LRP10: variants seen among roughly 807,000 people sequenced by gnomAD.
LRP10 encodes the protein low-density lipoprotein receptor-related protein 10.
LRP10 carries 42 observed loss-of-function variants against 58.5 expected under a neutral mutation model. The observed-to-expected ratio is 0.72, with a 90% CI of 0.56 to 0.93. The LOEUF (loss-of-function observed/expected upper bound fraction) is 0.93, where lower values mean the gene tolerates loss of function less well. Ranked by LOEUF, LRP10 falls within the 40% of genes least tolerant of loss-of-function variation. The pLI is 0.00. For missense variants in LRP10, 872 were observed against 940.1 expected, an observed-to-expected ratio of 0.93 and a Z score of 0.95; for synonymous variants, 377 against 388.5, an observed-to-expected ratio of 0.97 and a Z score of 0.35.
In LRP10 at chr14:22,872,049, G is replaced by A; in HGVS notation, c.-255G>A. ...CCGAGACCCGGGGCTTCAGGAGCCGGCCCCGGGAGAGAAGAGTGCGGCGGC... is the reference window on the plus strand; with the variant it reads ...CCGAGACCCGGGGCTTCAGGAGCCGACCCCGGGAGAGAAGAGTGCGGCGGC... On this transcript the variant is annotated 5_prime_UTR_variant, in exon 1 of 7. Transcript: ENST00000359591. The A allele has an allele frequency of 1.7e-6, 1 of 577,214 alleles. No homozygotes were observed. The highest frequency in any genetic ancestry group is 3.1e-6 in the Non-Finnish European group (1 of 325,110). 35.8% of individuals were successfully genotyped at this position (577,214 alleles called of 1,614,324 possible). A position where few individuals can be genotyped will look rare whatever the true frequency, so the allele number is the denominator to read the frequency against.
Position 22,878,977 on chromosome 14 carries a change from C to A in LRP10, c.*1450C>A, listed in dbSNP as rs992229051. 1 of 312,710 alleles carries A rather than the reference C, an allele frequency of 3.2e-6. No homozygotes were observed. The highest frequency in any genetic ancestry group is 2.2e-5 in the African/African-American group (1 of 46,296). 19.4% of individuals were successfully genotyped at this position (312,710 alleles called of 1,614,324 possible). Reference sequence around the variant, plus strand: ...TGGGAGTGATGCCTCAGGAACAAAACTGAGGAATTCCCTAACGGACCCAGT... The same window carrying A: ...TGGGAGTGATGCCTCAGGAACAAAAATGAGGAATTCCCTAACGGACCCAGT... On this transcript the variant is annotated 3_prime_UTR_variant, in exon 7 of 7. Transcript: ENST00000359591.
At chr14:22,872,385 G>T in intron 1 of LRP10, 48 bp downstream of exon 1, 2 of 1,611,210 alleles carry the variant, frequency 1.2e-6, no homozygotes, top group Non-Finnish European at 1.7e-6. Flanking sequence ...CACCGGGCCA[G>T]CAGCTCTAAC....
At position 22,875,401 on chromosome 14, in the gene LRP10, C is replaced by T; in HGVS notation, c.453C>T (p.Arg151=). The T allele has an allele frequency of 6.2e-7, 1 of 1,614,116 alleles. No individual in the cohort carries two copies. Among genetic ancestry groups the T allele is most frequent in the Non-Finnish European group, 8.5e-7 (1 of 1,180,020 alleles). The change falls in exon 5 of 7, where the codon CGC becomes CGT. Residue 151 remains arginine (R), a synonymous_variant. Coordinates refer to ENST00000359591, the MANE Select transcript of LRP10 (RefSeq NM_014045.5). ...AAGAGTTTCAGTGCCTGAACCACCGCTGTGTATCTGCTGTCCAGCGCTGTG... is the reference window on the plus strand; with the variant it reads ...AAGAGTTTCAGTGCCTGAACCACCGTTGTGTATCTGCTGTCCAGCGCTGTG... The part of the protein sequence containing the change: ...LQEEFQCLNH[R]CVSAVQRCDG...
At chr14:22,873,144 A>G (rs2039972479) in intron 2 of LRP10, 167 bp from the exon 3 acceptor site, 3 of 755,134 alleles carry the variant, frequency 4.0e-6, no homozygotes, top group Non-Finnish European at 6.5e-6. Flanking sequence ...GGAGAGAAAG[A>G]GCGAAGCTAG....
rs1019452814 is a variant in LRP10, at chr14:22,879,735, C to G, written c.*2208C>G. 1.9e-5 allele frequency: 3 copies of G among 155,712 alleles called. No individual in the cohort carries two copies. The highest frequency in any genetic ancestry group is 4.3e-5 in the Non-Finnish European group (3 of 69,984). 9.6% of individuals were successfully genotyped at this position (155,712 alleles called of 1,614,324 possible). A position where few individuals can be genotyped will look rare whatever the true frequency, so the allele number is the denominator to read the frequency against. On this transcript the variant is annotated 3_prime_UTR_variant, in exon 7 of 7. Transcript: ENST00000359591. ...AGTTTCTCTAGGTTCTGGTTGTGTGCTGTACGAGGTGTAGGTAGTAATAAT... is the reference window on the plus strand; with the variant it reads ...AGTTTCTCTAGGTTCTGGTTGTGTGGTGTACGAGGTGTAGGTAGTAATAAT...
In LRP10 at chr14:22,876,263, C is replaced by T. The variant is rs370278128; in HGVS notation, c.1315C>T (p.Arg439Cys). Residue 439 changes from arginine (R) to cysteine (C), a missense_variant, in exon 5 of 7, where the codon CGC becomes TGC. By Grantham distance (180) the Arg-to-Cys change is radical. Transcript: ENST00000359591. ...DEWDCSYVLP[R>C]KVITAAVIGS... The stretch of plus-strand genomic sequence containing the variant: ...GTGGGACTGCTCCTATGTTCTGCCC[C>T]GCAAGGTCATTACAGCTGCAGTCAT... The T allele has an allele frequency of 1.1e-5, 18 of 1,614,076 alleles. No individual in the cohort carries two copies. The highest frequency in any genetic ancestry group is 2.7e-5 in the African/African-American group (2 of 74,942).
chr14:22,875,018 A>G, intron 3 of LRP10, 37 bp from the exon 4 acceptor site: 1 of 1,429,156 alleles, frequency 7.0e-7, no homozygotes, highest in Non-Finnish European at 9.3e-7. Context: ...GCAGCAGTCA[A>G]GAGTATCTCA....
Position 22,878,250 on chromosome 14 carries a change from G to A in LRP10, c.*723G>A, listed in dbSNP as rs1397150550. 1 of 152,036 alleles carries A rather than the reference G, an allele frequency of 6.6e-6. No homozygotes were observed. The highest frequency in any genetic ancestry group is 1.5e-5 in the Non-Finnish European group (1 of 68,036). The allele number at this position is 152,036 out of a possible 1,614,324, so 9.4% of individuals were successfully genotyped here. A position where few individuals can be genotyped will look rare whatever the true frequency, so the allele number is the denominator to read the frequency against. ...TCTTGATTTTTATACCACACAGAAG[G>A]TAAGAAAATTCTAGGAACCCTAAGG... is the stretch of plus-strand genomic sequence containing the variant. On this transcript the variant is annotated 3_prime_UTR_variant, in exon 7 of 7. Coordinates refer to ENST00000359591, the MANE Select transcript of LRP10 (RefSeq NM_014045.5).
At position 22,879,700 on chromosome 14, in the gene LRP10, G is replaced by A. The variant is rs59375076; in HGVS notation, c.*2173G>A. The A allele has an allele frequency of 4.1e-3, 643 of 156,016 alleles. 6 individuals carry two copies. The highest frequency in any genetic ancestry group is 0.014 in the African/African-American group (581 of 41,684). The allele number at this position is 156,016 out of a possible 1,614,324, so 9.7% of individuals were successfully genotyped here. ...GAGGCTTGTGCTTATAGATCAGTGG[G>A]CCTGAAAGAAGTTTCTCTAGGTTCT... On this transcript the variant is annotated 3_prime_UTR_variant, in exon 7 of 7. Transcript: ENST00000359591.
chr14:22,876,761 C>T lies in LRP10; in HGVS notation c.1497C>T (p.Leu499=). The T allele has an allele frequency of 6.2e-7, 1 of 1,613,812 alleles. No homozygotes were observed. ...QQQAPPSYGQ[L]IAQGAIPPVE... is the part of the protein sequence containing the mutation. ...AGGCACCCCCTTCCTACGGGCAGCT[C>T]ATTGCCCAGGGTGCCATCCCACCTG... Residue 499 remains leucine (L), a synonymous_variant, in exon 6 of 7, where the codon CTC becomes CTT. Coordinates refer to ENST00000359591, the MANE Select transcript of LRP10 (RefSeq NM_014045.5).
Position 22,877,247 on chromosome 14 carries a change from C to T in LRP10, c.1862C>T (p.Pro621Leu). Residue 621 changes from proline to leucine, a missense_variant, in exon 7 of 7, where the codon CCC (proline) becomes CTC (leucine). Transcript: ENST00000359591. The surrounding 1 kb of genome is among the most constrained non-coding windows in gnomAD (Gnocchi z 5.1). Reference protein sequence around the residue: ...EQAPPLPIKAPLPSASTSPAP... With the variant: ...EQAPPLPIKALLPSASTSPAP... ...GCACCCCCACTGCCCATCAAGGCTC[C>T]CCTCCCATCTGCTAGCACGTCTCCA... 6.2e-7 allele frequency: 1 copy of T among 1,608,164 alleles called. No individual in the cohort carries two copies. Among genetic ancestry groups the T allele is most frequent in the Non-Finnish European group, 8.5e-7 (1 of 1,176,992 alleles).
chr14:22,873,526 C>CTTT, intron 3 of LRP10, 80 bp downstream of exon 3: 112 of 1,229,534 alleles, frequency 9.1e-5, no homozygotes, highest in Admixed American at 1.5e-4. Flanking sequence ...GGGATCACTT[C>CTTT]TTTTTTTTTT....
rs377446930 is a variant in LRP10 at position 22,879,319 on chromosome 14, G to C, written c.*1792G>C. The C allele has an allele frequency of 2.8e-4, 113 of 406,322 alleles. 1 individual carries two copies. In the East Asian group the frequency reaches 7.5e-3, roughly 27 times the overall value. 25.2% of individuals were successfully genotyped at this position (406,322 alleles called of 1,614,324 possible). A position where few individuals can be genotyped will look rare whatever the true frequency, so the allele number is the denominator to read the frequency against. On this transcript the variant is annotated 3_prime_UTR_variant, in exon 7 of 7. Transcript: ENST00000359591. Reference sequence around the variant, plus strand: ...TCACTGCAGACCCTCTCCAGAGACTGGGGAGAGGGCTCTGGAGAACCTGGT... The same window carrying C: ...TCACTGCAGACCCTCTCCAGAGACTCGGGAGAGGGCTCTGGAGAACCTGGT...
Position 22,872,254 on chromosome 14 carries a change from G to A in LRP10, c.-50G>A. The A allele has an allele frequency of 6.2e-7, 1 of 1,608,612 alleles. No individual in the cohort carries two copies. The highest frequency in any genetic ancestry group is 8.5e-7 in the Non-Finnish European group (1 of 1,175,132). ...CGGGGCTCCGCCGCGACCCCATCGG[G>A]TAGACCACAGAAGCTCCGGGACCCT... On this transcript the variant is annotated 5_prime_UTR_variant, in exon 1 of 7. Transcript: ENST00000359591.
In LRP10 at chr14:22,872,065, G is replaced by C; in HGVS notation, c.-239G>C. 1 of 588,886 alleles carries C rather than the reference G, an allele frequency of 1.7e-6. No individual in the cohort carries two copies. Among genetic ancestry groups the C allele is most frequent in the Non-Finnish European group, 3.0e-6 (1 of 330,924 alleles). 36.5% of individuals were successfully genotyped at this position (588,886 alleles called of 1,614,324 possible). ...CAGGAGCCGGCCCCGGGAGAGAAGAGTGCGGCGGCGGACGGAGAAAACAAC... is the reference window on the plus strand; with the variant it reads ...CAGGAGCCGGCCCCGGGAGAGAAGACTGCGGCGGCGGACGGAGAAAACAAC... On this transcript the variant is annotated 5_prime_UTR_variant, in exon 1 of 7. Transcript: ENST00000359591.
rs2039994034 is a variant in LRP10 at position 22,875,574 on chromosome 14, C to T, written c.626C>T (p.Thr209Ile). Residue 209 changes from threonine (T) to isoleucine (I), a missense_variant, in exon 5 of 7, where the codon ACA (threonine) becomes ATA (isoleucine). By Grantham distance (89) the Thr-to-Ile change is moderately conservative. Coordinates refer to ENST00000359591, the MANE Select transcript of LRP10 (RefSeq NM_014045.5). ...GGGGTCTTCTCCTCTCCTGGATATACACACCTAGCCTCAGTCTCCCACCCC... is the reference window on the plus strand; with the variant it reads ...GGGGTCTTCTCCTCTCCTGGATATATACACCTAGCCTCAGTCTCCCACCCC... ...FYGVFSSPGY[T>I]HLASVSHPQS... is the part of the protein sequence containing the mutation. The T allele has an allele frequency of 6.2e-7, 1 of 1,614,140 alleles. No individual in the cohort carries two copies. Among genetic ancestry groups the T allele is most frequent in the African/African-American group, 1.3e-5 (1 of 75,054 alleles).
At chr14:22,872,425 T>A in intron 1 of LRP10, 88 bp downstream of exon 1, 1 of 1,493,494 alleles carries the variant, frequency 6.7e-7, no homozygotes, top group Non-Finnish European at 9.3e-7. Flanking sequence ...CACTCTATCC[T>A]GCCTGCCCAT....
rs971590216 is a variant in LRP10, at chr14:22,876,104, T to C, written c.1156T>C (p.Phe386Leu). The C allele has an allele frequency of 6.2e-7, 1 of 1,614,126 alleles. No homozygotes were observed. The change falls in exon 5 of 7, where the codon TTC becomes CTC. Residue 386 changes from phenylalanine to leucine, a missense_variant. Phe to Leu is a conservative substitution (Grantham distance 22). Transcript: ENST00000359591. ...TGCTGACCGCTGCAACTACCAGACT[T>C]TCTGTGCTGATGGAGCAGATGAGAG... The part of the protein sequence containing the change: ...LPADRCNYQT[F>L]CADGADERRC...
chr14:22,872,413 C>T (rs925301076), intron 1 of LRP10, 76 bp downstream of exon 1: 15 of 1,557,230 alleles, frequency 9.6e-6, no homozygotes, highest in Admixed American at 1.7e-5. Flanking sequence ...AGTGCGGCCC[C>T]GCACTCTATC....
Sources: gnomAD v4.1 joint callset for allele counts on GRCh38, gnomAD v4.1.1 for gene constraint, Gnocchi (gnomAD v3.1) non-coding constraint, MANE v1.5 for transcripts, NCBI Gene and HGNC (gene_info 2026-07-23, HGNC 2026-07-21) for gene names.